Variants in SHPRH observed in about 807,000 individuals in gnomAD.
SHPRH encodes the protein E3 ubiquitin-protein ligase SHPRH.
Under a neutral mutation model 202.5 loss-of-function variants are expected in SHPRH, and 106 were observed. The ratio of observed to expected loss-of-function variants is 0.52; its 90% CI spans 0.45 to 0.62. SHPRH has a LOEUF of 0.62. SHPRH is among the 20% of genes least tolerant of loss of function. The pLI is 0.00. For missense variants in SHPRH, 1,710 were observed against 2,020.0 expected, an observed-to-expected ratio of 0.85 and a Z score of 2.94; for synonymous variants, 729 against 686.0, an observed-to-expected ratio of 1.06 and a Z score of -0.98.
chr6:145,887,749 G>C (rs1222454254), intron 29 of SHPRH, among the ~76,000 whole-genome samples: 1 of 152,062 alleles, frequency 6.6e-6, no homozygotes. Flanking sequence ...TGGCCAGGCT[G>C]GTTTCGAACT....
chr6:145,910,581 A>G lies in SHPRH; in HGVS notation c.4382T>C (p.Ile1461Thr), dbSNP rs374815147. The change falls in exon 25 of 30, where the codon ATT becomes ACT. Residue 1461 changes from isoleucine to threonine, a missense_variant. Coordinates refer to ENST00000275233, the MANE Select transcript of SHPRH (RefSeq NM_001042683.3). ...CFCNECISII[I>T]EQYSVGSHRS... ...GTGAGATCCCACGCTGTATTGTTCA[A>G]TAATTATAGAAATGCATTCATTACA... The G allele has an allele frequency of 6.2e-7, 1 of 1,613,158 alleles. No individual in the cohort carries two copies. Among genetic ancestry groups the G allele is most frequent in the Non-Finnish European group, 8.5e-7 (1 of 1,179,518 alleles).
chr6:145,951,802 C>T, intron 3 of SHPRH: 1 of 456,032 alleles, frequency 2.2e-6, no homozygotes, highest in South Asian at 1.5e-5. Context: ...ATGAGCAGAA[C>T]TTGGAGAATT....
rs1228202766 is a variant in SHPRH at position 145,867,625 on chromosome 6, TATATATAGAGAGAGAG to T, written c.222-3150_222-3135del. On this transcript the variant is annotated intron_variant, in intron 2 of 2. Coordinates refer to the SHPRH transcript ENST00000417762. ...ATATATATATATATATATATATATATATATATAGAGAGAGAGAGAGAGAGAGAGAGAGAGAGAGAGA... is the reference window on the plus strand; with the variant it reads ...ATATATATATATATATATATATATATAGAGAGAGAGAGAGAGAGAGAGAGA... 4.2e-3 allele frequency among the ~76,000 whole-genome samples: 266 copies of T among 63,376 alleles called. 1 individual carries two copies. The highest frequency in any genetic ancestry group is 0.021 in the African/African-American group (247 of 12,008). 41.6% of individuals were successfully genotyped at this position (63,376 alleles called of 152,430 possible).
chr6:145,929,531 G>A (rs1785218926), intron 14 of SHPRH, among the ~76,000 whole-genome samples: 1 of 151,950 alleles, frequency 6.6e-6, no homozygotes, highest in African/African-American at 2.4e-5. Flanking sequence ...TATATGTAAT[G>A]TTACTTTAAA....
chr6:145,921,707 T>TG (rs1306136728), intron 20 of SHPRH, among the ~76,000 whole-genome samples: 1 of 152,002 alleles, frequency 6.6e-6, no homozygotes, highest in Non-Finnish European at 1.5e-5. Context: ...TTATATCTGT[T>TG]GGAGATAAAT....
At chr6:145,911,237 A>G (rs1783464036) in intron 24 of SHPRH, among the ~76,000 whole-genome samples, 1 of 152,080 alleles carries the variant, frequency 6.6e-6, no homozygotes, top group South Asian at 2.1e-4. Context: ...CCAGGATTCA[A>G]GCAATTTTCC....
chr6:145,903,966 GGGAAGAAAT>G (rs1388705489), intron 25 of SHPRH: 6 of 152,172 alleles, frequency 3.9e-5, no homozygotes, highest in African/African-American at 1.4e-4. Context: ...ACTGTTGCTA[GGGAAGAAAT>G]GGTCTTCAAC....
At position 145,914,128 on chromosome 6, in the gene SHPRH, C is replaced by T. The variant is rs368511025; in HGVS notation, c.4255-579G>A. Among the ~76,000 whole-genome samples the T allele has an allele frequency of 2.4e-4, 36 of 152,062 alleles. No individual in the cohort carries two copies. In the South Asian group the frequency reaches 6.4e-3, roughly 27 times the overall value. On this transcript the variant is annotated intron_variant, in intron 23 of 29. Coordinates refer to ENST00000275233, the MANE Select transcript of SHPRH (RefSeq NM_001042683.3). ...TGGCTTAAAACAAACATATGATTCC[C>T]AAGATTCTACAGGTGATTTGGGGAT...
intron 2 of SHPRH, among the ~76,000 whole-genome samples, chr6:145,878,975 T>C (rs184804901): frequency 6.6e-6 from 1 of 152,362 alleles, no homozygotes; most frequent in Non-Finnish European, 1.5e-5. Context: ...TTACTGTTCA[T>C]GGACTTCAAA....
At chr6:145,864,575 G>C (rs2128683817) in intron 2 of SHPRH, 1 of 177,108 alleles carries the variant, frequency 5.6e-6, no homozygotes, top group East Asian at 1.7e-4. Flanking sequence ...GAAAGAGGCT[G>C]TATTTAGCAA....
chr6:145,964,086 G>T lies in SHPRH; in HGVS notation c.-388C>A, dbSNP rs2128818395. The T allele has an allele frequency of 6.6e-6, 1 of 152,406 alleles. No homozygotes were observed. The highest frequency in any genetic ancestry group is 1.9e-4 in the East Asian group (1 of 5,160). 9.4% of individuals were successfully genotyped at this position (152,406 alleles called of 1,614,324 possible). A position where few individuals can be genotyped will look rare whatever the true frequency, so the allele number is the denominator to read the frequency against. ...CCAGCGTCCTCCCTCCCTGGTCCCG[G>T]AGGCCAAAGACCACCTCCCTCCCTC... On this transcript the variant is annotated 5_prime_UTR_variant, in exon 1 of 30. Transcript: ENST00000275233.
intron 13 of SHPRH, among the ~76,000 whole-genome samples, chr6:145,934,016 A>G (rs1785756714): frequency 6.6e-6 from 1 of 152,180 alleles, no homozygotes; most frequent in African/African-American, 2.4e-5. Flanking sequence ...AATTTTAAAA[A>G]AAACCTCAAC....
intron 25 of SHPRH, chr6:145,907,880 C>A (rs1029222461): frequency 8.5e-5 from 13 of 152,146 alleles, no homozygotes; most frequent in African/African-American, 3.1e-4. Flanking sequence ...TGGTAGTTTG[C>A]TGCACCTATT....
At chr6:145,901,827 C>T (rs1370197684) in intron 25 of SHPRH, among the ~76,000 whole-genome samples, 1 of 152,120 alleles carries the variant, frequency 6.6e-6, no homozygotes. Flanking sequence ...CACACACACA[C>T]CCTAATCCTA....
At chr6:145,948,388 T>G (rs775151739) in intron 4 of SHPRH, 38 bp from the exon 5 acceptor site, 3 of 1,509,178 alleles carry the variant, frequency 2.0e-6, no homozygotes, top group South Asian at 2.4e-5. Context: ...AATTTTTGTT[T>G]TCCCTTCAGT....
chr6:145,861,027 A>C (rs1284475110), downstream of SHPRH, among the ~76,000 whole-genome samples: 3 of 152,144 alleles, frequency 2.0e-5, no homozygotes, highest in African/African-American at 7.2e-5. Flanking sequence ...GGAAACAATA[A>C]AAGTCTTTAA....
intron 2 of SHPRH, chr6:145,871,184 T>C (rs893942034): frequency 2.0e-5 from 3 of 152,090 alleles, no homozygotes; most frequent in Non-Finnish European, 2.9e-5. Context: ...CTATTCAATA[T>C]AGTATTGGAA....
chr6:145,864,869 A>G (rs1158779022), intron 2 of SHPRH, among the ~76,000 whole-genome samples: 3 of 151,428 alleles, frequency 2.0e-5, no homozygotes, highest in African/African-American at 7.3e-5. Flanking sequence ...TGCCACTATC[A>G]TTTTTTGCTA....
intron 14 of SHPRH, among the ~76,000 whole-genome samples, chr6:145,927,901 C>T (rs1785032593): frequency 1.3e-5 from 2 of 151,866 alleles, no homozygotes; most frequent in Non-Finnish European, 2.9e-5. Context: ...TCATAATCAG[C>T]ACCTCATTCA....
Sources: gnomAD v4.1 joint callset for allele counts (sites outside exome capture counted in the v4.1 genomes callset) on GRCh38, gnomAD v4.1.1 for gene constraint, MANE v1.5 for transcripts, NCBI Gene and HGNC (gene_info 2026-07-23, HGNC 2026-07-21) for gene names.